Variants in MED25 observed in about 807,000 individuals in gnomAD.
MED25 encodes mediator complex subunit 25.
In MED25, 62 loss-of-function variants were observed where a neutral mutation model predicts 89.4. The observed-to-expected ratio is 0.69, with a 90% CI of 0.57 to 0.86. The LOEUF is 0.86. Among genes scored for constraint, MED25 ranks in the 40% least tolerant of loss-of-function variants. The probability of loss-of-function intolerance (pLI) is 0.00; values close to 1 mark genes in which losing one functional copy is unlikely to be tolerated. For synonymous variants in MED25, 449 were observed against 427.9 expected (o/e 1.05, Z -0.61); for missense variants, 905 against 1,005.2 (o/e 0.90, Z 1.35).
rs913549476 is a variant in MED25 at position 49,829,340 on chromosome 19, G to A, written c.525+250G>A. 6.6e-6 allele frequency among the ~76,000 whole-genome samples: 1 copy of A among 152,170 alleles called. No individual in the cohort carries two copies. The highest frequency in any genetic ancestry group is 2.4e-5 in the African/African-American group (1 of 41,444). ...GTTACCCAGGCTGGAGTGCAGTGGT[G>A]TGATCTTGGCCCACTGCAGCCTCTG... On this transcript the variant is annotated intron_variant, in intron 5 of 17. Transcript: ENST00000312865. The surrounding 1 kb of genome is among the most constrained non-coding windows in gnomAD (Gnocchi z 4.6).
At chr19:49,825,217 AGTTT>A (rs1421496313) in intron 3 of MED25, among the ~76,000 whole-genome samples, 2 of 151,994 alleles carry the variant, frequency 1.3e-5, no homozygotes, top group African/African-American at 4.8e-5. Context: ...CAAACTGGTT[AGTTT>A]ATCACACTTT....
At chr19:49,828,620 G>C (rs931353887) in intron 4 of MED25, 73 bp downstream of exon 4, 4 of 1,253,582 alleles carry the variant, frequency 3.2e-6, no homozygotes, top group Non-Finnish European at 3.5e-6. Context: ...CTGTCGAGTG[G>C]TTCTACCTCC....
Position 49,818,453 on chromosome 19 carries a change from C to A in MED25, c.112C>A (p.His38Asn), listed in dbSNP as rs1191519479. The A allele has an allele frequency of 1.4e-5, 23 of 1,614,074 alleles. No individual in the cohort carries two copies. Among genetic ancestry groups the A allele is most frequent in the Non-Finnish European group, 1.9e-5 (23 of 1,180,038 alleles). Residue 38 changes from histidine (H) to asparagine (N), a missense_variant, in exon 1 of 18, where the codon CAC becomes AAC. Physicochemically the swap from His to Asn is moderately conservative, Grantham distance 68. Coordinates refer to ENST00000312865, the MANE Select transcript of MED25 (RefSeq NM_030973.4). ...LGPYFEGLRK[H>N]YLLPAIEYFN... is the part of the protein sequence containing the mutation. ...ACCCTACTTCGAGGGGCTCCGCAAG[C>A]ACTACCTGCTCCCGGCCATCGAGTG...
Position 49,836,844 on chromosome 19 carries a change from C to T in MED25, c.2147-3C>T, listed in dbSNP as rs1555803003. 6.2e-7 allele frequency: 1 copy of T among 1,609,602 alleles called. No homozygotes were observed. Among genetic ancestry groups the T allele is most frequent in the East Asian group, 2.2e-5 (1 of 44,788 alleles). ...ATGCAGTCCCTTCCCCACTGCCCCT[C>T]AGGTCAGATGCTGCTGAGCGGGGGT... On this transcript the variant is annotated splice_polypyrimidine_tract_variant and splice_region_variant and intron_variant, in intron 17 of 17. Coordinates refer to ENST00000312865, the MANE Select transcript of MED25 (RefSeq NM_030973.4). This position sits in a 1 kb window ranked among gnomAD's most constrained non-coding sequence, Gnocchi z 5.1.
rs570516692 is a variant in MED25 at position 49,832,497 on chromosome 19, C to T, written c.1482+82C>T. ...ACCTTTGACGGGAATCCCAGAGTGC[C>T]TGGGCCCACGGAAGCCGTTTTTGAT... On this transcript the variant is annotated intron_variant, in intron 13 of 17. Coordinates refer to ENST00000312865, the MANE Select transcript of MED25 (RefSeq NM_030973.4). The T allele has an allele frequency of 1.1e-5, 10 of 887,936 alleles. No individual in the cohort carries two copies. The African/African-American group carries it at 1.3e-4, about 12-fold the overall frequency. 55.0% of individuals were successfully genotyped at this position (887,936 alleles called of 1,614,324 possible).
chr19:49,835,561 C>A lies in MED25; in HGVS notation c.1702C>A (p.Leu568Met). 6.4e-7 allele frequency: 1 copy of A among 1,567,352 alleles called. No individual in the cohort carries two copies. Among genetic ancestry groups the A allele is most frequent in the East Asian group, 2.4e-5 (1 of 42,322 alleles). ...GGGGGGACAGCAGGCACCCCCAGGG[C>A]TGGGGCCCATTCTGGAGGACCAAGC... ...GMGGQQAPPG[L>M]GPILEDQARP... Residue 568 changes from leucine to methionine, a missense_variant, in exon 15 of 18, where the codon CTG (leucine) becomes ATG (methionine). By Grantham distance (15) the Leu-to-Met change is conservative. Transcript: ENST00000312865. The surrounding 1 kb of genome is among the most constrained non-coding windows in gnomAD (Gnocchi z 6.2).
At position 49,831,676 on chromosome 19, in the gene MED25, A is replaced by G. The variant is rs1025505212; in HGVS notation, c.1230+215A>G. Among the ~76,000 whole-genome samples the G allele has an allele frequency of 3.3e-5, 5 of 152,094 alleles. No homozygotes were observed. The highest frequency in any genetic ancestry group is 4.8e-5 in the African/African-American group (2 of 41,412). ...AGTCCCCATGCAAAGAACCCAGAAA[A>G]GCCCAGGATTTGGGGCCCAGAGAAG... is the stretch of plus-strand genomic sequence containing the variant. On this transcript the variant is annotated intron_variant, in intron 10 of 17. Coordinates refer to ENST00000312865, the MANE Select transcript of MED25 (RefSeq NM_030973.4). This position sits in a 1 kb window ranked among gnomAD's most constrained non-coding sequence, Gnocchi z 5.0.
Position 49,836,790 on chromosome 19 carries a change from CCCTCCTGGGCCCAAGGG to C in MED25, c.2147-53_2147-37del, listed in dbSNP as rs1348446634. 2.2e-6 allele frequency: 3 copies of C among 1,355,184 alleles called. No individual in the cohort carries two copies. In the Admixed American group the frequency reaches 5.4e-5, roughly 24 times the overall value. The allele number at this position is 1,355,184 out of a possible 1,614,324, so 83.9% of individuals were successfully genotyped here. A position where few individuals can be genotyped will look rare whatever the true frequency, so the allele number is the denominator to read the frequency against. On this transcript the variant is annotated intron_variant, in intron 17 of 17. Coordinates refer to ENST00000312865, the MANE Select transcript of MED25 (RefSeq NM_030973.4). The surrounding 1 kb of genome is among the most constrained non-coding windows in gnomAD (Gnocchi z 5.1). ...GCCTAGAAAACTTAGTGCCTCTGGGCCCTCCTGGGCCCAAGGGCCTACTGGGAGATGCAGTCCCTTCC... is the reference window on the plus strand; with the variant it reads ...GCCTAGAAAACTTAGTGCCTCTGGGCCCTACTGGGAGATGCAGTCCCTTCC...
intron 13 of MED25, chr19:49,833,323 G>A (rs1385489351): frequency 1.3e-5 from 2 of 152,280 alleles, no homozygotes; most frequent in African/African-American, 2.4e-5. Flanking sequence ...GGCCAGGTTG[G>A]TCTCGAACTT....
downstream of MED25, chr19:49,839,300 G>A (rs1187096157): frequency 6.0e-6 from 1 of 165,836 alleles, no homozygotes; most frequent in African/African-American, 2.4e-5. Context: ...TCATGACAGG[G>A]GGACTTGGCA....
At chr19:49,832,866 C>T (rs2074068754) in intron 13 of MED25, 2 of 267,854 alleles carry the variant, frequency 7.5e-6, no homozygotes, top group Non-Finnish European at 1.5e-5. Context: ...CTCTTCCGGC[C>T]GGTAACCCCA....
chr19:49,826,439 CAG>C (rs200112684), intron 3 of MED25, among the ~76,000 whole-genome samples: 1,578 of 152,316 alleles, frequency 0.01, 25 homozygotes, highest in African/African-American at 0.036. Context: ...GAAGAAGGCT[CAG>C]GGGCTCAGTG....
intron 3 of MED25, among the ~76,000 whole-genome samples, chr19:49,821,446 G>C (rs1452029490): frequency 6.6e-6 from 1 of 152,176 alleles, no homozygotes; most frequent in Non-Finnish European, 1.5e-5. Flanking sequence ...GTAGCCAAAT[G>C]CCAGCACACC....
chr19:49,822,386 C>A lies in MED25; in HGVS notation c.305+3090C>A, dbSNP rs73592281. On this transcript the variant is annotated intron_variant, in intron 3 of 17. Transcript: ENST00000312865. ...ACTTCAAGCCAGGAGGTGGAGAGAT[C>A]GCACCACTGCGCTCCAGCTTGGGTG... Among the ~76,000 whole-genome samples, 500 of 151,630 alleles carry A rather than the reference C, an allele frequency of 3.3e-3. 2 individuals carry two copies. The highest frequency in any genetic ancestry group is 0.011 in the African/African-American group (451 of 41,352).
chr19:49,830,787 G>C lies in MED25; in HGVS notation c.1001G>C (p.Gly334Ala). 6.2e-7 allele frequency: 1 copy of C among 1,613,166 alleles called. No homozygotes were observed. Among genetic ancestry groups the C allele is most frequent in the Non-Finnish European group, 8.5e-7 (1 of 1,179,664 alleles). Residue 334 changes from glycine (G) to alanine (A), a missense_variant, in exon 9 of 18, where the codon GGC becomes GCC. Physicochemically the swap from Gly to Ala is moderately conservative, Grantham distance 60. This residue lies in a region of MED25 where 501 missense variants were observed against 526.9 expected (regional missense o/e 0.95). Coordinates refer to ENST00000312865, the MANE Select transcript of MED25 (RefSeq NM_030973.4). The surrounding 1 kb of genome is among the most constrained non-coding windows in gnomAD (Gnocchi z 4.6). ...CCCCAACTACCCCCAGGACCCCCTG[G>C]CGCCCCCAAGCCACCACCTGCTTCC... ...PAPQLPPGPP[G>A]APKPPPASQP...
In MED25 at chr19:49,828,559, C is replaced by T. The variant is rs746317805; in HGVS notation, c.404+12C>T. ...ATGCGCGAGCAGATGTGAGTGCCCC[C>T]TCCACCCAGGCCGGGCCGGTCTCTC... On this transcript the variant is annotated intron_variant, in intron 4 of 17. Coordinates refer to ENST00000312865, the MANE Select transcript of MED25 (RefSeq NM_030973.4). The T allele has an allele frequency of 1.2e-6, 2 of 1,604,892 alleles. No individual in the cohort carries two copies. Among genetic ancestry groups the T allele is most frequent in the Non-Finnish European group, 1.7e-6 (2 of 1,171,626 alleles).
chr19:49,830,793 C>G lies in MED25; in HGVS notation c.1007C>G (p.Pro336Arg). 1.9e-6 allele frequency: 3 copies of G among 1,613,460 alleles called. No individual in the cohort carries two copies. The highest frequency in any genetic ancestry group is 2.5e-6 in the Non-Finnish European group (3 of 1,179,798). The change falls in exon 9 of 18, where the codon CCC becomes CGC. Residue 336 changes from proline (P) to arginine (R), a missense_variant. Physicochemically the swap from Pro to Arg is moderately radical, Grantham distance 103 (BLOSUM62 -2). This residue lies in a region of MED25 where 501 missense variants were observed against 526.9 expected (regional missense o/e 0.95). Coordinates refer to ENST00000312865, the MANE Select transcript of MED25 (RefSeq NM_030973.4). This position sits in a 1 kb window ranked among gnomAD's most constrained non-coding sequence, Gnocchi z 4.6. Reference sequence around the variant, plus strand: ...CTACCCCCAGGACCCCCTGGCGCCCCCAAGCCACCACCTGCTTCCCAGCCC... The same window carrying G: ...CTACCCCCAGGACCCCCTGGCGCCCGCAAGCCACCACCTGCTTCCCAGCCC... ...PQLPPGPPGA[P>R]KPPPASQPSL...
At position 49,830,011 on chromosome 19, in the gene MED25, T is replaced by C. The variant is rs1284690770; in HGVS notation, c.688+63T>C. 4 of 1,597,076 alleles carry C rather than the reference T, an allele frequency of 2.5e-6. No individual in the cohort carries two copies. Among genetic ancestry groups the C allele is most frequent in the African/African-American group, 2.7e-5 (2 of 74,648 alleles). On this transcript the variant is annotated intron_variant, in intron 6 of 17. Coordinates refer to ENST00000312865, the MANE Select transcript of MED25 (RefSeq NM_030973.4). The surrounding 1 kb of genome is among the most constrained non-coding windows in gnomAD (Gnocchi z 4.6). The stretch of plus-strand genomic sequence containing the variant: ...ACGTGTTTCCCCAGCTCCCTCTGAC[T>C]TGGATTTTGGATTTCTCTCCTTTCT...
At chr19:49,837,834 G>A (rs991297990), downstream of MED25, among the ~76,000 whole-genome samples, 1 of 152,208 alleles carries the variant, frequency 6.6e-6, no homozygotes, top group Non-Finnish European at 1.5e-5. Flanking sequence ...ATCGCACATG[G>A]AGAGAGGGCA....
Sources: gnomAD v4.1 joint callset for allele counts (sites outside exome capture counted in the v4.1 genomes callset) on GRCh38, gnomAD v4.1.1 for gene constraint, gnomAD v4.1.1 regional missense constraint, Gnocchi (gnomAD v3.1) non-coding constraint, MANE v1.5 for transcripts, NCBI Gene and HGNC (gene_info 2026-07-23, HGNC 2026-07-21) for gene names.